TNR: variants seen among roughly 807,000 people sequenced by gnomAD.
TNR encodes the protein tenascin-R.
TNR carries 45 observed loss-of-function variants against 150.4 expected under a neutral mutation model. The ratio of observed to expected loss-of-function variants is 0.30; its 90% CI spans 0.24 to 0.38. TNR has a LOEUF of 0.38. TNR is among the 10% of genes least tolerant of loss of function. The pLI, the probability that TNR is intolerant of heterozygous loss-of-function variation, is 1.00. For synonymous variants in TNR, 687 were observed against 678.4 expected, an observed-to-expected ratio of 1.01 and a Z score of -0.20; for missense variants, 1,544 against 1,759.1, an observed-to-expected ratio of 0.88 and a Z score of 2.19.
chr1:175,686,512 G>A (rs1267680909), intron 1 of TNR, among the ~76,000 whole-genome samples: 1 of 152,020 alleles, frequency 6.6e-6, no homozygotes, highest in Non-Finnish European at 1.5e-5. Context: ...TAGATTCTGG[G>A]GTATGTGTGC....
intron 1 of TNR, among the ~76,000 whole-genome samples, chr1:175,551,819 G>T (rs1660950547): frequency 2.6e-5 from 4 of 152,130 alleles, no homozygotes; most frequent in African/African-American, 9.7e-5. Flanking sequence ...CTTAAACAAT[G>T]ATTGTAATTA....
chr1:175,399,319 T>C (rs1213892511), intron 4 of TNR, among the ~76,000 whole-genome samples: 1 of 152,242 alleles, frequency 6.6e-6, no homozygotes, highest in Non-Finnish European at 1.5e-5. Flanking sequence ...AATCAGCGTA[T>C]TCCTTTTTGC....
chr1:175,726,289 C>G (rs1044187867), intron 1 of TNR, among the ~76,000 whole-genome samples: 1 of 152,132 alleles, frequency 6.6e-6, no homozygotes, highest in Non-Finnish European at 1.5e-5. Flanking sequence ...TTCAGCAGTG[C>G]TATAGAAGAC....
chr1:175,665,897 G>A (rs572921564), intron 1 of TNR, among the ~76,000 whole-genome samples: 1 of 152,076 alleles, frequency 6.6e-6, no homozygotes, highest in Admixed American at 6.5e-5. Context: ...CTGCTTAAAA[G>A]AGTCCAGGAC....
rs529919797 is a variant in TNR, at chr1:175,375,772, C to T, written c.1963+3780G>A. On this transcript the variant is annotated intron_variant, in intron 9 of 22. Coordinates refer to ENST00000367674, the MANE Select transcript of TNR (RefSeq NM_003285.3). Reference sequence around the variant, plus strand: ...GTGCCCAGCAAAGGCCAGGCTGCCACGGCTTCAGGTCTGAGCTTTGTGAGG... The same window carrying T: ...GTGCCCAGCAAAGGCCAGGCTGCCATGGCTTCAGGTCTGAGCTTTGTGAGG... Among the ~76,000 whole-genome samples, 10 of 152,222 alleles carry T rather than the reference C, an allele frequency of 6.6e-5. No individual in the cohort carries two copies. The South Asian group carries it at 8.3e-4, about 13-fold the overall frequency.
At chr1:175,625,800 T>C (rs2101868694) in intron 1 of TNR, among the ~76,000 whole-genome samples, 1 of 152,346 alleles carries the variant, frequency 6.6e-6, no homozygotes, top group South Asian at 2.1e-4. Flanking sequence ...CTGAGCCTTC[T>C]AGCCCATCCC....
chr1:175,465,282 C>T (rs1346701838), intron 2 of TNR, among the ~76,000 whole-genome samples: 2 of 152,172 alleles, frequency 1.3e-5, no homozygotes, highest in African/African-American at 4.8e-5. Context: ...TACTGAAACT[C>T]CTAGGTTGAA....
At chr1:175,582,829 C>T (rs891453891) in intron 1 of TNR, among the ~76,000 whole-genome samples, 3 of 151,994 alleles carry the variant, frequency 2.0e-5, no homozygotes, top group African/African-American at 7.3e-5. Context: ...AGGGAGGGCT[C>T]CACCCTTATG....
intron 2 of TNR, among the ~76,000 whole-genome samples, chr1:175,527,952 C>T (rs994257034): frequency 9.9e-5 from 15 of 152,208 alleles, no homozygotes; most frequent in African/African-American, 3.4e-4. Context: ...CAGGCACAGG[C>T]AGGCTGGGAG....
At chr1:175,711,390 G>A (rs1460933963) in intron 1 of TNR, among the ~76,000 whole-genome samples, 1 of 152,166 alleles carries the variant, frequency 6.6e-6, no homozygotes, top group African/African-American at 2.4e-5. Context: ...CACATTCAAG[G>A]AACAGGAAGG....
At chr1:175,352,158 G>T (rs1251757613) in intron 18 of TNR, among the ~76,000 whole-genome samples, 1 of 152,170 alleles carries the variant, frequency 6.6e-6, no homozygotes, top group Non-Finnish European at 1.5e-5. Context: ...GGGCAGTGAG[G>T]GGCACAGAAG....
intron 2 of TNR, 107 bp from the exon 3 acceptor site, chr1:175,406,884 G>T: frequency 1.1e-5 from 1 of 94,586 alleles, no homozygotes; most frequent in Non-Finnish European, 1.5e-5. Context: ...AGATTTTCAA[G>T]GGGGGGGCGT....
intron 2 of TNR, among the ~76,000 whole-genome samples, chr1:175,410,667 G>C (rs767812155): frequency 6.6e-6 from 1 of 152,182 alleles, no homozygotes; most frequent in Non-Finnish European, 1.5e-5. Flanking sequence ...AGAGGAAGTG[G>C]TGTGTGTCTT....
intron 1 of TNR, among the ~76,000 whole-genome samples, chr1:175,637,647 C>T (rs1571700704): frequency 6.6e-6 from 1 of 152,312 alleles, no homozygotes; most frequent in East Asian, 1.9e-4. Context: ...ATAGGTTCAT[C>T]TTAAGGGGCC....
At chr1:175,337,183 T>C (rs2101991770) in intron 19 of TNR, among the ~76,000 whole-genome samples, 1 of 152,310 alleles carries the variant, frequency 6.6e-6, no homozygotes, top group South Asian at 2.1e-4. Context: ...AATCAGCCAC[T>C]CTGCCCAGCA....
chr1:175,376,171 C>T (rs1034684668), intron 9 of TNR, among the ~76,000 whole-genome samples: 4 of 152,012 alleles, frequency 2.6e-5, no homozygotes, highest in African/African-American at 9.7e-5. Flanking sequence ...GGTGGCTGCA[C>T]CACGCTGTGA....
intron 2 of TNR, among the ~76,000 whole-genome samples, chr1:175,451,210 T>TG (rs1429765854): frequency 2.1e-5 from 3 of 141,122 alleles, no homozygotes; most frequent in Non-Finnish European, 3.1e-5. Flanking sequence ...GTTAGTTTTT[T>TG]TTTTTTAATG....
chr1:175,618,542 G>T (rs1414516503), intron 1 of TNR, among the ~76,000 whole-genome samples: 1 of 152,130 alleles, frequency 6.6e-6, no homozygotes, highest in Admixed American at 6.5e-5. Context: ...CACATGGGGA[G>T]TCTCTGCCCC....
intron 1 of TNR, among the ~76,000 whole-genome samples, chr1:175,572,562 G>A (rs1416803036): frequency 6.6e-6 from 1 of 151,978 alleles, no homozygotes; most frequent in Non-Finnish European, 1.5e-5. Context: ...ATCATAATGG[G>A]CACTGTCATC....
Sources: allele counts gnomAD v4.1 joint callset (sites outside exome capture counted in the v4.1 genomes callset), GRCh38; gene constraint gnomAD v4.1.1; transcripts MANE v1.5; gene names NCBI Gene and HGNC (gene_info 2026-07-23, HGNC 2026-07-21).